Variants in ATP11B observed in about 807,000 individuals in gnomAD.
ATP11B encodes ATPase phospholipid transporting 11B (putative).
A neutral mutation model predicts 157.8 loss-of-function variants in ATP11B; 81 were observed. The observed-to-expected ratio is 0.51, with a 90% confidence interval of 0.43 to 0.62. The LOEUF (loss-of-function observed/expected upper bound fraction) is 0.62. ATP11B is among the 20% of genes least tolerant of loss of function. ATP11B has a pLI of 0.00. For synonymous variants in ATP11B, 451 were observed against 469.4 expected, an observed-to-expected ratio of 0.96 and a Z score of 0.51; for missense variants, 1,165 against 1,402.2, an observed-to-expected ratio of 0.83 and a Z score of 2.70.
chr3:182,889,362 A>G, intron 24 of ATP11B, 48 bp from the exon 25 acceptor site: 1 of 1,348,512 alleles, frequency 7.4e-7, no homozygotes, highest in Non-Finnish European at 1.0e-6. Flanking sequence ...TTAGTGGGCA[A>G]ATAATAAATG....
intron 2 of ATP11B, among the ~76,000 whole-genome samples, chr3:182,824,069 A>G (rs1306724984): frequency 1.3e-5 from 2 of 151,910 alleles, no homozygotes; most frequent in African/African-American, 4.8e-5. Flanking sequence ...CTAGAATTTC[A>G]TATAATACAA....
chr3:182,845,610 TTAGA>T (rs1025930037), intron 9 of ATP11B, 88 bp downstream of exon 9: 39 of 770,720 alleles, frequency 5.1e-5, no homozygotes, highest in African/African-American at 5.5e-5. Flanking sequence ...GGTCTTTTGG[TTAGA>T]TAATTTATTA....
intron 28 of ATP11B, among the ~76,000 whole-genome samples, chr3:182,912,329 A>C (rs968214062): frequency 6.6e-6 from 1 of 152,070 alleles, no homozygotes; most frequent in Non-Finnish European, 1.5e-5. Context: ...GAATTATGAT[A>C]TCTCAGGCTT....
intron 28 of ATP11B, chr3:182,902,519 C>T (rs745964780): frequency 1.4e-5 from 18 of 1,289,466 alleles, no homozygotes; most frequent in Non-Finnish European, 1.8e-5. Flanking sequence ...ACGAGTTCAT[C>T]GCACTGCAGC....
At chr3:182,847,747 TC>T (rs1344867467) in intron 9 of ATP11B, among the ~76,000 whole-genome samples, 16 of 152,306 alleles carry the variant, frequency 1.1e-4, no homozygotes, top group African/African-American at 3.6e-4. Flanking sequence ...AGGTATTTTT[TC>T]CCATTTAAAG....
intron 25 of ATP11B, 132 bp from the exon 26 acceptor site, chr3:182,896,562 TTATGAG>T: frequency 5.9e-6 from 4 of 677,198 alleles, no homozygotes; most frequent in Non-Finnish European, 1.0e-5. Context: ...ACTTTTAACT[TTATGAG>T]TATAGTCACC....
chr3:182,822,967 T>A (rs547752881), intron 2 of ATP11B, among the ~76,000 whole-genome samples: 136 of 152,250 alleles, frequency 8.9e-4, no homozygotes, highest in African/African-American at 3.2e-3. Flanking sequence ...ATGGGATTGA[T>A]TTTTTCTTGT....
chr3:182,844,447 T>A, intron 8 of ATP11B: 1 of 483,812 alleles, frequency 2.1e-6, no homozygotes, highest in Non-Finnish European at 2.7e-6. Context: ...ACAAAATAAT[T>A]GCTTTTTAAC....
intron 28 of ATP11B, among the ~76,000 whole-genome samples, chr3:182,913,173 A>G (rs1343833175): frequency 6.6e-6 from 1 of 152,196 alleles, no homozygotes; most frequent in Admixed American, 6.5e-5. Flanking sequence ...AATTTATTAA[A>G]CTGTCAGCTA....
intron 28 of ATP11B, among the ~76,000 whole-genome samples, chr3:182,911,010 G>A (rs375703969): frequency 6.6e-6 from 1 of 152,122 alleles, no homozygotes; most frequent in Non-Finnish European, 1.5e-5. Context: ...TCCAACTGCT[G>A]TAAAAATTTC....
intron 28 of ATP11B, among the ~76,000 whole-genome samples, chr3:182,899,182 G>A (rs1577098150): frequency 1.4e-5 from 2 of 139,160 alleles, no homozygotes. Flanking sequence ...CCGAGACGGA[G>A]TCTTGCTCTG....
intron 20 of ATP11B, 25 bp downstream of exon 20, chr3:182,879,674 T>A (rs1482968779): frequency 6.3e-7 from 1 of 1,577,564 alleles, no homozygotes; most frequent in Admixed American, 1.9e-5. Flanking sequence ...TATAAAAAAG[T>A]CCCATAAAGC....
chr3:182,887,518 AGTT>A, intron 23 of ATP11B, 65 bp from the exon 24 acceptor site: 1 of 1,367,988 alleles, frequency 7.3e-7, no homozygotes, highest in African/African-American at 1.5e-5. Flanking sequence ...TAATATGCAT[AGTT>A]GTCATATGCA....
rs1469859536 is a variant in ATP11B, at chr3:182,793,735, G to A, written c.-25G>A. On this transcript the variant is annotated 5_prime_UTR_variant, in exon 1 of 30. Transcript: ENST00000323116. ...AGCCCCGCGGCCCCCGCGCCCCGCG[G>A]GACCCGGACGGCGACGACGGGGGAA... 1.4e-6 allele frequency: 2 copies of A among 1,405,678 alleles called. No homozygotes were observed. Among genetic ancestry groups the A allele is most frequent in the African/African-American group, 3.0e-5 (2 of 66,988 alleles). 87.1% of individuals were successfully genotyped at this position (1,405,678 alleles called of 1,614,324 possible).
intron 7 of ATP11B, among the ~76,000 whole-genome samples, 174 bp from the exon 8 acceptor site, chr3:182,841,901 C>G (rs796681358): frequency 1.7e-4 from 25 of 150,676 alleles, no homozygotes; most frequent in African/African-American, 4.6e-4. Flanking sequence ...ATGGCATGAA[C>G]CCAGGAAGCA....
chr3:182,858,127 C>G (rs1720563385), intron 11 of ATP11B, 99 bp downstream of exon 11: 1 of 1,103,218 alleles, frequency 9.1e-7, no homozygotes, highest in African/African-American at 1.6e-5. Flanking sequence ...CACTGTAATC[C>G]TAAAACTGTT....
chr3:182,817,531 G>A (rs1438571724), intron 1 of ATP11B, among the ~76,000 whole-genome samples: 4 of 152,188 alleles, frequency 2.6e-5, no homozygotes, highest in East Asian at 1.9e-4. Context: ...TGCCTGCCTC[G>A]GCCTCCCGAA....
intron 23 of ATP11B, 151 bp from the exon 24 acceptor site, chr3:182,887,435 C>T (rs568297160): frequency 1.8e-6 from 1 of 566,234 alleles, no homozygotes; most frequent in Admixed American, 3.8e-5. Flanking sequence ...GTATTAAAAA[C>T]AAATTAGAAT....
At chr3:182,862,350 C>T (rs1720907799) in intron 12 of ATP11B, among the ~76,000 whole-genome samples, 1 of 152,042 alleles carries the variant, frequency 6.6e-6, no homozygotes. Flanking sequence ...GTGGGCCACA[C>T]CTTAAGGTAA....
Sources: gnomAD v4.1 joint callset for allele counts (sites outside exome capture counted in the v4.1 genomes callset) on GRCh38, gnomAD v4.1.1 for gene constraint, MANE v1.5 for transcripts, NCBI Gene and HGNC (gene_info 2026-07-23, HGNC 2026-07-21) for gene names.